Variants in IL16 observed in about 807,000 individuals in gnomAD.
IL16 encodes interleukin 16, also known as pro-interleukin-16.
Under a neutral mutation model 110.1 loss-of-function variants are expected in IL16, and 67 were observed. The ratio of observed to expected loss-of-function variants is 0.61; its 90% confidence interval spans 0.50 to 0.75. The LOEUF is 0.75. Among genes scored for constraint, IL16 ranks in the 30% least tolerant of loss-of-function variants. The probability of loss-of-function intolerance (pLI) is 0.00; values close to 1 mark genes in which losing one functional copy is unlikely to be tolerated. For synonymous variants in IL16, 689 were observed against 662.9 expected (o/e 1.04, Z -0.61); for missense variants, 1,545 against 1,655.0 (o/e 0.93, Z 1.15).
At chr15:81,274,889 G>A (rs1477955352) in intron 6 of IL16, among the ~76,000 whole-genome samples, 1 of 152,146 alleles carries the variant, frequency 6.6e-6, no homozygotes, top group Non-Finnish European at 1.5e-5. Context: ...TACTATGGGA[G>A]GGACCTGCTG....
rs949347984 is a variant in IL16, at chr15:81,292,655, T to C, written c.1520T>C (p.Met507Thr). 11 of 1,613,964 alleles carry C rather than the reference T, an allele frequency of 6.8e-6. No homozygotes were observed. In the African/African-American group the frequency reaches 1.5e-4, roughly 22 times the overall value. Residue 507 changes from methionine (M) to threonine (T), a missense_variant, in exon 12 of 19, where the codon ATG (methionine) becomes ACG (threonine). Transcript: ENST00000683961. The stretch of plus-strand genomic sequence containing the variant: ...CCGCATCGCAGGGCTCAGAAGGTCA[T>C]GATCCGCTCCAGCAGTGACAGCAGC... ...APPHRRAQKV[M>T]IRSSSDSSYM...
At position 81,285,707 on chromosome 15, in the gene IL16, C is replaced by T. The variant is rs374076985; in HGVS notation, c.1209C>T (p.Asp403=). 149 of 1,613,838 alleles carry T rather than the reference C, an allele frequency of 9.2e-5. No individual in the cohort carries two copies. The African/African-American group carries it at 9.6e-4, about 10-fold the overall frequency. Residue 403 remains aspartate, a synonymous_variant, in exon 10 of 19, where the codon GAC becomes GAT. Coordinates refer to ENST00000683961, the MANE Select transcript of IL16 (RefSeq NM_172217.5). ...AHLDGRLRCG[D]EIVEISDSPV... ...ATTGATGCTTGCACAGGTGTGGGGA[C>T]GAGATTGTGGAAATCAGTGATTCCC...
chr15:81,285,601 A>G, intron 9 of IL16, 97 bp from the exon 10 acceptor site: 1 of 1,349,966 alleles, frequency 7.4e-7, no homozygotes, highest in South Asian at 1.4e-5. Context: ...TTTATATCTC[A>G]TCAAACAGCC....
intron 1 of IL16, among the ~76,000 whole-genome samples, chr15:81,199,028 AAAATATATATATATAT>A (rs1412893954): frequency 2.1e-5 from 2 of 93,750 alleles, no homozygotes; most frequent in Admixed American, 2.0e-4. Flanking sequence ...TCAAAAAAAA[AAAATATATATATATAT>A]ATATATATAT....
At chr15:81,270,161 C>T (rs1395582446) in intron 5 of IL16, among the ~76,000 whole-genome samples, 1 of 152,224 alleles carries the variant, frequency 6.6e-6, no homozygotes. Flanking sequence ...CTACCTCTCT[C>T]AAGATGATGA....
Position 81,297,000 on chromosome 15 carries a change from G to A in IL16, c.1975G>A (p.Gly659Ser), listed in dbSNP as rs199946459. 4.0e-5 allele frequency: 64 copies of A among 1,613,882 alleles called. No homozygotes were observed. Among genetic ancestry groups the A allele is most frequent in the Middle Eastern group, 1.7e-4 (1 of 5,962 alleles). The change falls in exon 13 of 19, where the codon GGC (glycine) becomes AGC (serine). Residue 659 changes from glycine to serine, a missense_variant. By Grantham distance (56) the Gly-to-Ser change is moderately conservative. Coordinates refer to ENST00000683961, the MANE Select transcript of IL16 (RefSeq NM_172217.5). Reference sequence around the variant, plus strand: ...AGGGAGAAGCCCTAGTGCCTCTGCCGGCTGCCCAGGACCTGGTATCGGCCC... The same window carrying A: ...AGGGAGAAGCCCTAGTGCCTCTGCCAGCTGCCCAGGACCTGGTATCGGCCC... ...TAGRSPSASA[G>S]CPGPGIGPQT... is the part of the protein sequence containing the mutation.
At position 81,265,778 on chromosome 15, in the gene IL16, G is replaced by C. The variant is rs201141132; in HGVS notation, c.541G>C (p.Asp181His). Reference protein sequence around the residue: ...SNRKSLSQQLDCPAGKAAGTS... With the variant: ...SNRKSLSQQLHCPAGKAAGTS... ...CAGGAAGTCCCTCTCTCAACAATTG[G>C]ACTGTCCAGCAGGAAAGGCTGCGGT... Residue 181 changes from aspartate (D) to histidine (H), a missense_variant, in exon 4 of 19, where the codon GAC (aspartate) becomes CAC (histidine). Coordinates refer to ENST00000683961, the MANE Select transcript of IL16 (RefSeq NM_172217.5). The C allele has an allele frequency of 6.2e-7, 1 of 1,613,442 alleles. No homozygotes were observed. The highest frequency in any genetic ancestry group is 1.1e-5 in the South Asian group (1 of 90,902).
At chr15:81,275,061 CG>C (rs1376818056) in intron 6 of IL16, among the ~76,000 whole-genome samples, 10 of 151,678 alleles carry the variant, frequency 6.6e-5, no homozygotes, top group Non-Finnish European at 1.5e-4. Flanking sequence ...TCGCAAAGGG[CG>C]GGGCGGGTCA....
intron 3 of IL16, among the ~76,000 whole-genome samples, chr15:81,263,346 A>ATTTTTTTTGTTTTTTTTTTTTT: frequency 9.1e-6 from 1 of 109,792 alleles, no homozygotes. Context: ...TTCAAAAACT[A>ATTTTTTTTGTTTTTTTTTTTTT]TTTTTTTTTG....
At chr15:81,260,352 T>C (rs1333455275) in intron 3 of IL16, among the ~76,000 whole-genome samples, 1 of 152,200 alleles carries the variant, frequency 6.6e-6, no homozygotes, top group Non-Finnish European at 1.5e-5. Flanking sequence ...TGTTAACATA[T>C]TCAGTTATTT....
At chr15:81,184,385 A>C (rs1156811719) in intron 1 of IL16, among the ~76,000 whole-genome samples, 1 of 152,182 alleles carries the variant, frequency 6.6e-6, no homozygotes, top group East Asian at 1.9e-4. Flanking sequence ...ACAGAACCAG[A>C]CAGATGGAGA....
rs1428853791 is a variant in IL16 at position 81,310,560 on chromosome 15, A to G, written c.*1762A>G. The stretch of plus-strand genomic sequence containing the variant: ...CTTAATAGAAACATTGAAGATGAAC[A>G]TAATCTACCAACGAAAGACGTGATT... On this transcript the variant is annotated 3_prime_UTR_variant, in exon 19 of 19. Coordinates refer to ENST00000683961, the MANE Select transcript of IL16 (RefSeq NM_172217.5). 6.6e-6 allele frequency: 1 copy of G among 152,236 alleles called. No homozygotes were observed. The highest frequency in any genetic ancestry group is 1.5e-5 in the Non-Finnish European group (1 of 68,024). The allele number at this position is 152,236 out of a possible 1,614,324, so 9.4% of individuals were successfully genotyped here. A position where few individuals can be genotyped will look rare whatever the true frequency, so the allele number is the denominator to read the frequency against.
intron 2 of IL16, among the ~76,000 whole-genome samples, chr15:81,251,943 C>T (rs549146418): frequency 5.3e-5 from 8 of 151,626 alleles, no homozygotes; most frequent in African/African-American, 1.2e-4. Flanking sequence ...TGGAAAAACA[C>T]GTAAGATGAG....
chr15:81,311,258 G>A lies in IL16; in HGVS notation c.*2460G>A, dbSNP rs1900837188. ...ACCATAAAAAGGAATCCACTCCCAG[G>A]CAGCCCTACTTCTTTGCTTTGCCCA... On this transcript the variant is annotated 3_prime_UTR_variant, in exon 19 of 19. Transcript: ENST00000683961. The A allele has an allele frequency of 6.6e-6, 1 of 152,168 alleles. No individual in the cohort carries two copies. Among genetic ancestry groups the A allele is most frequent in the South Asian group, 2.1e-4 (1 of 4,826 alleles). 9.4% of individuals were successfully genotyped at this position (152,168 alleles called of 1,614,324 possible).
intron 15 of IL16, among the ~76,000 whole-genome samples, chr15:81,301,819 C>A (rs897707875): frequency 6.6e-6 from 1 of 152,242 alleles, no homozygotes; most frequent in Non-Finnish European, 1.5e-5. Context: ...AGTTCAAGTT[C>A]AGTGCTGTTT....
chr15:81,296,989 G>C lies in IL16; in HGVS notation c.1964G>C (p.Ser655Thr). 1 of 1,613,906 alleles carries C rather than the reference G, an allele frequency of 6.2e-7. No homozygotes were observed. The highest frequency in any genetic ancestry group is 1.1e-5 in the South Asian group (1 of 91,068). The change falls in exon 13 of 19, where the codon AGT (serine) becomes ACT (threonine). Residue 655 changes from serine (S) to threonine (T), a missense_variant. Ser to Thr is a moderately conservative substitution (Grantham distance 58). Transcript: ENST00000683961. ...PQEDTAGRSP[S>T]ASAGCPGPGI... is the part of the protein sequence containing the mutation. Reference sequence around the variant, plus strand: ...GAAGACACAGCAGGGAGAAGCCCTAGTGCCTCTGCCGGCTGCCCAGGACCT... The same window carrying C: ...GAAGACACAGCAGGGAGAAGCCCTACTGCCTCTGCCGGCTGCCCAGGACCT...
intron 3 of IL16, among the ~76,000 whole-genome samples, chr15:81,265,019 G>A (rs1200821798): frequency 2.0e-5 from 3 of 152,216 alleles, no homozygotes; most frequent in African/African-American, 7.2e-5. Context: ...CAGATCATCT[G>A]TGAAGGTTTT....
chr15:81,300,244 AG>A lies in IL16; in HGVS notation c.2919del (p.Gln973HisfsTer27), dbSNP rs1900209734. On this transcript the variant is annotated frameshift_variant, in exon 14 of 19. Coordinates refer to ENST00000683961, the MANE Select transcript of IL16 (RefSeq NM_172217.5). LOFTEE classifies it high-confidence loss of function. ...RARSFPLTRS[Q>X]SCETKLLDEK... ...CGGAGCTTCCCCCTGACCAGGTCCC[AG>A]TCCTGTGAGACGAAGCTACTTGACG... The A allele has an allele frequency of 6.2e-7, 1 of 1,614,134 alleles. No individual in the cohort carries two copies. The highest frequency in any genetic ancestry group is 8.5e-7 in the Non-Finnish European group (1 of 1,180,056).
intron 2 of IL16, among the ~76,000 whole-genome samples, chr15:81,254,414 T>G: frequency 6.6e-6 from 1 of 152,214 alleles, no homozygotes; most frequent in East Asian, 1.9e-4. Context: ...GTTTTTGTTT[T>G]TTTCCCCATT....
Sources: allele counts gnomAD v4.1 joint callset (sites outside exome capture counted in the v4.1 genomes callset), GRCh38; gene constraint gnomAD v4.1.1; transcripts MANE v1.5; gene names NCBI Gene and HGNC (gene_info 2026-07-23, HGNC 2026-07-21).